HEMK1: variants seen among roughly 807,000 people sequenced by gnomAD.
HEMK1 encodes the protein MTRF1L release factor glutamine methyltransferase.
A neutral mutation model predicts 47.9 loss-of-function variants in HEMK1; 36 were observed. The observed-to-expected ratio is 0.75, with a 90% CI of 0.58 to 0.99. The LOEUF is 0.99. HEMK1 is among the 50% of genes least tolerant of loss of function. The pLI, the probability that HEMK1 is intolerant of heterozygous loss-of-function variation, is 0.00. For synonymous variants in HEMK1, 153 were observed against 165.4 expected (o/e 0.93, Z 0.57); for missense variants, 383 against 434.5 (o/e 0.88, Z 1.05).
Position 50,581,696 on chromosome 3 carries a change from A to G in HEMK1, c.*1279A>G, listed in dbSNP as rs913480233. 2 of 152,304 alleles carry G rather than the reference A, an allele frequency of 1.3e-5. No individual in the cohort carries two copies. Among genetic ancestry groups the G allele is most frequent in the African/African-American group, 4.8e-5 (2 of 41,476 alleles). 9.4% of individuals were successfully genotyped at this position (152,304 alleles called of 1,614,324 possible). On this transcript the variant is annotated 3_prime_UTR_variant, in exon 11 of 11. Coordinates refer to ENST00000232854, the MANE Select transcript of HEMK1 (RefSeq NM_016173.5). Reference sequence around the variant, plus strand: ...GAAGGTATGTACTGCCTGAGGTCACATGACAGTGACCAAGTGGAGACAGTA... The same window carrying G: ...GAAGGTATGTACTGCCTGAGGTCACGTGACAGTGACCAAGTGGAGACAGTA...
At chr3:50,577,285 G>A in intron 5 of HEMK1, 99 bp downstream of exon 5, 1 of 1,398,620 alleles carries the variant, frequency 7.1e-7, no homozygotes, top group Non-Finnish European at 9.9e-7. Flanking sequence ...CGCTTGAGGG[G>A]AAGCAGCTGG....
At chr3:50,576,831 A>G (rs1034670770) in intron 4 of HEMK1, among the ~76,000 whole-genome samples, 3 of 152,176 alleles carry the variant, frequency 2.0e-5, no homozygotes, top group African/African-American at 7.2e-5. Flanking sequence ...CCACATCCCC[A>G]CGAGGTGGGC....
Position 50,580,108 on chromosome 3 carries a change from C to T in HEMK1, c.867-8C>T. On this transcript the variant is annotated splice_region_variant and splice_polypyrimidine_tract_variant and intron_variant, in intron 9 of 10. Transcript: ENST00000232854. ...CCTGCTGAGCCCACCCATTTCTCCC[C>T]CATGTAGTAGTATCTTCTTAGAAGT... The T allele has an allele frequency of 6.2e-7, 1 of 1,611,282 alleles. No individual in the cohort carries two copies. Among genetic ancestry groups the T allele is most frequent in the Non-Finnish European group, 8.5e-7 (1 of 1,177,424 alleles).
Position 50,580,178 on chromosome 3 carries a change from G to C in HEMK1, c.929G>C (p.Arg310Pro). The change falls in exon 10 of 11, where the codon CGG becomes CCG. Residue 310 changes from arginine (R) to proline (P), a missense_variant. Coordinates refer to ENST00000232854, the MANE Select transcript of HEMK1 (RefSeq NM_016173.5). ...CTTGTCAGCAGCTGGCTTCAGAGCC[G>C]GCCTGACCTGTACCTTAATCTTGTG... ...PELVSSWLQSRPDLYLNLVAV... is the reference protein window; with the variant it reads ...PELVSSWLQSPPDLYLNLVAV... 6.2e-7 allele frequency: 1 copy of C among 1,614,184 alleles called. No individual in the cohort carries two copies. Among genetic ancestry groups the C allele is most frequent in the South Asian group, 1.1e-5 (1 of 91,088 alleles).
chr3:50,572,252 A>T (rs2107396445), intron 4 of HEMK1, 44 bp downstream of exon 4: 1 of 1,568,948 alleles, frequency 6.4e-7, no homozygotes, highest in Non-Finnish European at 8.7e-7. Flanking sequence ...ATGATGGTGG[A>T]GTTCAGGGCA....
chr3:50,570,988 C>T lies in HEMK1; in HGVS notation c.-117C>T. 3 of 718,164 alleles carry T rather than the reference C, an allele frequency of 4.2e-6. No homozygotes were observed. The highest frequency in any genetic ancestry group is 6.7e-6 in the Non-Finnish European group (3 of 445,054). The allele number at this position is 718,164 out of a possible 1,614,324, so 44.5% of individuals were successfully genotyped here. A position where few individuals can be genotyped will look rare whatever the true frequency, so the allele number is the denominator to read the frequency against. On this transcript the variant is annotated 5_prime_UTR_variant, in exon 2 of 11. Transcript: ENST00000232854. ...CATTTTGGGGCACCAGAGCTTGTGA[C>T]CTCTCCATCTCCACCCAGCTGGGTC...
rs757936871 is a variant in HEMK1 at position 50,580,211 on chromosome 3, G to A, written c.962G>A (p.Arg321His). The change falls in exon 10 of 11, where the codon CGC becomes CAC. Residue 321 changes from arginine (R) to histidine (H), a missense_variant. Coordinates refer to ENST00000232854, the MANE Select transcript of HEMK1 (RefSeq NM_016173.5). ...CTGTACCTTAATCTTGTGGCTGTGC[G>A]CAGGGACTTCTGTGGGAGGTAAGAT... ...PDLYLNLVAV[R>H]RDFCGRPRFL... 46 of 1,613,912 alleles carry A rather than the reference G, an allele frequency of 2.9e-5. No individual in the cohort carries two copies. Among genetic ancestry groups the A allele is most frequent in the South Asian group, 6.6e-5 (6 of 91,088 alleles).
At chr3:50,578,240 G>A (rs1049293924) in intron 7 of HEMK1, among the ~76,000 whole-genome samples, 6 of 152,210 alleles carry the variant, frequency 3.9e-5, no homozygotes, top group Non-Finnish European at 8.8e-5. Context: ...TGCCTGGCAG[G>A]GGAAGTGGTC....
At position 50,588,985 on chromosome 3, in the gene HEMK1, T is replaced by C. The variant is rs1203489598; in HGVS notation, c.*8568T>C. 2.0e-5 allele frequency: 3 copies of C among 152,250 alleles called. No homozygotes were observed. The highest frequency in any genetic ancestry group is 2.1e-4 in the South Asian group (1 of 4,834). The allele number at this position is 152,250 out of a possible 1,614,324, so 9.4% of individuals were successfully genotyped here. A position where few individuals can be genotyped will look rare whatever the true frequency, so the allele number is the denominator to read the frequency against. On this transcript the variant is annotated 3_prime_UTR_variant, in exon 11 of 11. Coordinates refer to ENST00000232854, the MANE Select transcript of HEMK1 (RefSeq NM_016173.5). ...AACTTTGGAGCTCATTCTTTCAAAG[T>C]ACATTTCATGTGCAACTGAAATACA... is the stretch of plus-strand genomic sequence containing the variant.
In HEMK1 at chr3:50,572,160, C is replaced by A. The variant is rs1320307231; in HGVS notation, c.366C>A (p.Leu122=). Residue 122 remains leucine, a synonymous_variant, in exon 4 of 11, where the codon CTC becomes CTA. Coordinates refer to ENST00000232854, the MANE Select transcript of HEMK1 (RefSeq NM_016173.5). ...TTGGAGAGTGGGACTTCCAGGGGCT[C>A]AGCCTAAGGATGGTGCCCCCAGTGT... is the stretch of plus-strand genomic sequence containing the variant. ...YILGEWDFQG[L]SLRMVPPVFI... The A allele has an allele frequency of 1.2e-6, 2 of 1,613,976 alleles. No homozygotes were observed. Among genetic ancestry groups the A allele is most frequent in the Non-Finnish European group, 1.7e-6 (2 of 1,179,960 alleles).
intron 3 of HEMK1, 140 bp from the exon 4 acceptor site, chr3:50,571,975 G>A (rs747362917): frequency 9.2e-6 from 13 of 1,415,360 alleles, no homozygotes; most frequent in Non-Finnish European, 1.3e-5. Flanking sequence ...GAGGGAGGGA[G>A]GGTTTTGCCT....
chr3:50,578,019 T>G, intron 7 of HEMK1, 144 bp downstream of exon 7: 1 of 785,462 alleles, frequency 1.3e-6, no homozygotes, highest in Non-Finnish European at 2.2e-6. Context: ...CGTGTGTGTG[T>G]GCACGTTTGT....
rs187906978 is a variant in HEMK1, at chr3:50,580,210, C to T, written c.961C>T (p.Arg321Cys). Residue 321 changes from arginine (R) to cysteine (C), a missense_variant, in exon 10 of 11, where the codon CGC (arginine) becomes TGC (cysteine). Transcript: ENST00000232854. ...PDLYLNLVAVRRDFCGRPRFL... is the reference protein window; with the variant it reads ...PDLYLNLVAVCRDFCGRPRFL... ...CCTGTACCTTAATCTTGTGGCTGTG[C>T]GCAGGGACTTCTGTGGGAGGTAAGA... 60 of 1,614,056 alleles carry T rather than the reference C, an allele frequency of 3.7e-5. No homozygotes were observed. Among genetic ancestry groups the T allele is most frequent in the Admixed American group, 2.0e-4 (12 of 60,020 alleles).
Position 50,571,838 on chromosome 3 carries a change from A to G in HEMK1, c.320+37A>G, listed in dbSNP as rs543425642. On this transcript the variant is annotated intron_variant, in intron 3 of 10. Coordinates refer to ENST00000232854, the MANE Select transcript of HEMK1 (RefSeq NM_016173.5). ...TGGATCAGACCTGAAGGATGTGTTC[A>G]GGGAGCAGCAGTCCAGCCTCCCCTA... is the stretch of plus-strand genomic sequence containing the variant. 4.4e-6 allele frequency: 7 copies of G among 1,582,680 alleles called. No individual in the cohort carries two copies. The East Asian group carries it at 1.1e-4, about 25-fold the overall frequency.
intron 5 of HEMK1, 55 bp downstream of exon 5, chr3:50,577,241 C>T: frequency 6.4e-7 from 1 of 1,556,628 alleles, no homozygotes; most frequent in Non-Finnish European, 8.7e-7. Flanking sequence ...CTGTCCCTCC[C>T]ATTAGTGCTT....
In HEMK1 at chr3:50,590,198, T is replaced by A. The variant is rs938711679; in HGVS notation, c.*9781T>A. On this transcript the variant is annotated 3_prime_UTR_variant, in exon 11 of 11. Transcript: ENST00000232854. ...AGACTCCATCTCAAAAAAAAAAATTTAAAAATAATAATTTTAAAAAAATGT... is the reference window on the plus strand; with the variant it reads ...AGACTCCATCTCAAAAAAAAAAATTAAAAAATAATAATTTTAAAAAAATGT... 1.3e-5 allele frequency: 2 copies of A among 150,842 alleles called. No homozygotes were observed. Among genetic ancestry groups the A allele is most frequent in the East Asian group, 2.0e-4 (1 of 5,078 alleles). The allele number at this position is 150,842 out of a possible 1,614,324, so 9.3% of individuals were successfully genotyped here. A position where few individuals can be genotyped will look rare whatever the true frequency, so the allele number is the denominator to read the frequency against.
At chr3:50,579,804 C>A in intron 8 of HEMK1, 40 bp from the exon 9 acceptor site, 1 of 1,460,700 alleles carries the variant, frequency 6.8e-7, no homozygotes. Flanking sequence ...TTCAGATACC[C>A]CTTTCTCAGG....
chr3:50,583,988 C>T lies in HEMK1; in HGVS notation c.*3571C>T, dbSNP rs2107520802. Reference sequence around the variant, plus strand: ...TTTCTAGAATAGAGCTGGGACTTCCCATGTGGCCCACATCTGACCTGGCAG... The same window carrying T: ...TTTCTAGAATAGAGCTGGGACTTCCTATGTGGCCCACATCTGACCTGGCAG... On this transcript the variant is annotated 3_prime_UTR_variant, in exon 11 of 11. Coordinates refer to ENST00000232854, the MANE Select transcript of HEMK1 (RefSeq NM_016173.5). The T allele has an allele frequency of 6.6e-6, 1 of 152,370 alleles. No homozygotes were observed. The highest frequency in any genetic ancestry group is 6.5e-5 in the Admixed American group (1 of 15,308). 9.4% of individuals were successfully genotyped at this position (152,370 alleles called of 1,614,324 possible).
intron 2 of HEMK1, 57 bp from the exon 3 acceptor site, chr3:50,571,653 C>T: frequency 6.6e-7 from 1 of 1,509,338 alleles, no homozygotes; most frequent in Non-Finnish European, 9.2e-7. Context: ...CATAAGACAC[C>T]TGGGTTGGGG....
Sources: gnomAD v4.1 joint callset for allele counts (sites outside exome capture counted in the v4.1 genomes callset) on GRCh38, gnomAD v4.1.1 for gene constraint, MANE v1.5 for transcripts, NCBI Gene and HGNC (gene_info 2026-07-23, HGNC 2026-07-21) for gene names.